Variants in LIMCH1 observed in about 807,000 individuals in gnomAD.
LIMCH1 encodes the protein LIM and calponin homology domains 1, also known as LIM and calponin homology domains-containing protein 1.
A neutral mutation model predicts 176.5 loss-of-function variants in LIMCH1; 113 were observed. The ratio of observed to expected loss-of-function variants is 0.64; its 90% CI spans 0.55 to 0.75. The LOEUF (loss-of-function observed/expected upper bound fraction) is 0.75, where lower values mean the gene tolerates loss of function less well. LIMCH1 is among the 30% of genes least tolerant of loss of function. LIMCH1 has a pLI of 0.00. For missense variants in LIMCH1, 1,674 were observed against 1,814.9 expected, an observed-to-expected ratio of 0.92 and a Z score of 1.41; for synonymous variants, 619 against 645.9, an observed-to-expected ratio of 0.96 and a Z score of 0.63.
At chr4:41,673,279 G>T (rs2095112904) in intron 22 of LIMCH1, among the ~76,000 whole-genome samples, 1 of 152,176 alleles carries the variant, frequency 6.6e-6, no homozygotes, top group Non-Finnish European at 1.5e-5. Context: ...CCCAAAGCTG[G>T]CATCCATGGC....
At chr4:41,623,912 T>G (rs1561965014) in intron 7 of LIMCH1, among the ~76,000 whole-genome samples, 1 of 152,228 alleles carries the variant, frequency 6.6e-6, no homozygotes, top group East Asian at 1.9e-4. Context: ...TTAATAAATG[T>G]GTGGAGTTTA....
At chr4:41,670,879 C>A in intron 21 of LIMCH1, 2 of 1,496,558 alleles carry the variant, frequency 1.3e-6, no homozygotes, top group Non-Finnish European at 8.9e-7. Flanking sequence ...GTCTTCATTT[C>A]TGATTTCTGG....
intron 1 of LIMCH1, 136 bp downstream of exon 1, chr4:41,538,486 T>C (rs1034695785): frequency 2.9e-5 from 9 of 308,134 alleles, no homozygotes; most frequent in Non-Finnish European, 3.8e-5. Context: ...GAAAATAATA[T>C]GAAAATTACT....
At chr4:41,651,283 G>A (rs1000934655) in intron 18 of LIMCH1, among the ~76,000 whole-genome samples, 2 of 152,166 alleles carry the variant, frequency 1.3e-5, no homozygotes, top group Admixed American at 6.5e-5. Context: ...TGGGATTACA[G>A]GCATGAGCTA....
At position 41,452,808 on chromosome 4, in the gene LIMCH1, A is replaced by G. The variant is rs59699019; in HGVS notation, c.97-41728A>G. ...TTTGGGGTCCTCTGTTGTTAATAGCAGTTTTTGTGCCTTTTTAATATTCAC... is the reference window on the plus strand; with the variant it reads ...TTTGGGGTCCTCTGTTGTTAATAGCGGTTTTTGTGCCTTTTTAATATTCAC... On this transcript the variant is annotated intron_variant, in intron 1 of 26. Coordinates refer to the LIMCH1 transcript ENST00000313860. 4.2e-3 allele frequency among the ~76,000 whole-genome samples: 644 copies of G among 152,236 alleles called. 5 individuals carry two copies. Among genetic ancestry groups the G allele is most frequent in the African/African-American group, 0.015 (619 of 41,544 alleles).
At chr4:41,579,534 G>A (rs896983139) in intron 1 of LIMCH1, among the ~76,000 whole-genome samples, 11 of 152,282 alleles carry the variant, frequency 7.2e-5, no homozygotes, top group South Asian at 2.1e-4. Context: ...TCCATCTGGC[G>A]TACAGACGGT....
At chr4:41,480,330 C>A (rs887638846) in intron 1 of LIMCH1, among the ~76,000 whole-genome samples, 1 of 152,054 alleles carries the variant, frequency 6.6e-6, no homozygotes, top group African/African-American at 2.4e-5. Context: ...AAGAACTGGC[C>A]GGGTGCAGTG....
intron 1 of LIMCH1, among the ~76,000 whole-genome samples, chr4:41,389,883 C>G (rs2057004423): frequency 6.6e-6 from 1 of 152,106 alleles, no homozygotes; most frequent in Non-Finnish European, 1.5e-5. Context: ...TCAATAGGTG[C>G]TTATTTCACC....
chr4:41,608,462 A>G (rs143021511), intron 4 of LIMCH1, among the ~76,000 whole-genome samples: 41 of 152,374 alleles, frequency 2.7e-4, no homozygotes, highest in African/African-American at 9.9e-4. Flanking sequence ...GCACATATGC[A>G]GGCTGAAATA....
chr4:41,487,070 A>G (rs71624491), intron 1 of LIMCH1, among the ~76,000 whole-genome samples: 20,699 of 151,792 alleles, frequency 0.14, 1,521 homozygotes, highest in South Asian at 0.24. Context: ...CATGTTGGCC[A>G]GGCTGGTCTT....
intron 1 of LIMCH1, among the ~76,000 whole-genome samples, chr4:41,547,857 G>GTATATATATATATA (rs1451943342): frequency 1.4e-5 from 1 of 70,016 alleles, no homozygotes; most frequent in African/African-American, 7.9e-5. Flanking sequence ...TATAATTTGT[G>GTATATATATATATA]TGTGTGTATA....
chr4:41,380,458 T>C (rs1251268842), intron 1 of LIMCH1, among the ~76,000 whole-genome samples: 1 of 152,038 alleles, frequency 6.6e-6, no homozygotes, highest in Admixed American at 6.6e-5. Flanking sequence ...GAGATTTGAT[T>C]TGATATTTTC....
chr4:41,400,947 G>A (rs2058371698), intron 1 of LIMCH1, among the ~76,000 whole-genome samples: 1 of 152,174 alleles, frequency 6.6e-6, no homozygotes, highest in Non-Finnish European at 1.5e-5. Context: ...TGTCAGATGA[G>A]TAGGTTGCGA....
upstream of LIMCH1, among the ~76,000 whole-genome samples, chr4:41,537,362 C>A (rs2078064669): frequency 6.6e-6 from 1 of 152,152 alleles, no homozygotes; most frequent in African/African-American, 2.4e-5. Context: ...AGTTCATGTC[C>A]TTTAGGGAGG....
At chr4:41,532,416 G>A (rs149628832) in intron 3 of LIMCH1, among the ~76,000 whole-genome samples, 3 of 152,118 alleles carry the variant, frequency 2.0e-5, no homozygotes, top group Admixed American at 1.3e-4. Flanking sequence ...CTTCAGAAAC[G>A]TATTTAAGGC....
At chr4:41,408,060 A>G (rs7435328) in intron 1 of LIMCH1, among the ~76,000 whole-genome samples, 134,996 of 152,238 alleles carry the variant, frequency 0.89, 60,107 homozygotes, top group East Asian at 0.99. Context: ...CTCATTCCAT[A>G]CCTTGTCCAT....
chr4:41,502,072 C>T (rs1467786563), intron 2 of LIMCH1, among the ~76,000 whole-genome samples: 1 of 145,124 alleles, frequency 6.9e-6, no homozygotes, highest in African/African-American at 2.6e-5. Context: ...TTCCCCCTGC[C>T]ACACTGACAG....
At position 41,360,978 on chromosome 4, in the gene LIMCH1, T is replaced by C. The variant is rs374319115; in HGVS notation, c.96+42T>C. On this transcript the variant is annotated intron_variant, in intron 1 of 26. Coordinates refer to the LIMCH1 transcript ENST00000313860. The surrounding 1 kb of genome is among the most constrained non-coding windows in gnomAD (Gnocchi z 4.5). Reference sequence around the variant, plus strand: ...GGCGGGCGGCCTTGCACTGGCGCCCTGAGCCACGGACCCGCGCACGCTCCG... The same window carrying C: ...GGCGGGCGGCCTTGCACTGGCGCCCCGAGCCACGGACCCGCGCACGCTCCG... 1.3e-4 allele frequency: 187 copies of C among 1,442,556 alleles called. No individual in the cohort carries two copies. Among genetic ancestry groups the C allele is most frequent in the Non-Finnish European group, 1.0e-5 (11 of 1,063,062 alleles). The allele number at this position is 1,442,556 out of a possible 1,614,324, so 89.4% of individuals were successfully genotyped here.
intron 17 of LIMCH1, 46 bp downstream of exon 17, chr4:41,646,939 A>G (rs2094088260): frequency 1.3e-6 from 2 of 1,511,518 alleles, no homozygotes; most frequent in South Asian, 2.4e-5. Context: ...AACTCCAGGG[A>G]GTGGATGGAA....
Sources: gnomAD v4.1 joint callset for allele counts (sites outside exome capture counted in the v4.1 genomes callset) on GRCh38, gnomAD v4.1.1 for gene constraint, Gnocchi (gnomAD v3.1) non-coding constraint, MANE v1.5 for transcripts, NCBI Gene and HGNC (gene_info 2026-07-23, HGNC 2026-07-21) for gene names.